The following TMEM132C variants were observed in gnomAD, a reference collection of about 807,000 sequenced individuals.
The protein encoded by TMEM132C is transmembrane protein 132C.
In TMEM132C, 29 loss-of-function variants were observed where a neutral mutation model predicts 61.4. The ratio of observed to expected loss-of-function variants is 0.47; its 90% confidence interval spans 0.35 to 0.64. The LOEUF is 0.64. Among genes scored for constraint, TMEM132C ranks in the 30% least tolerant of loss-of-function variants. The probability of loss-of-function intolerance (pLI) is 0.00; values close to 1 mark genes in which losing one functional copy is unlikely to be tolerated. For synonymous variants in TMEM132C, 656 were observed against 633.1 expected, an observed-to-expected ratio of 1.04 and a Z score of -0.54; for missense variants, 1,408 against 1,476.9, an observed-to-expected ratio of 0.95 and a Z score of 0.76.
chr12:128,466,326 G>A (rs1376011077), intron 2 of TMEM132C, among the ~76,000 whole-genome samples: 20 of 152,202 alleles, frequency 1.3e-4, no homozygotes, highest in Admixed American at 1.2e-3. Context: ...GTAGCCATTG[G>A]CTCAGTTTGA....
intron 2 of TMEM132C, among the ~76,000 whole-genome samples, chr12:128,468,565 C>T (rs1209078614): frequency 6.6e-6 from 1 of 151,968 alleles, no homozygotes; most frequent in Non-Finnish European, 1.5e-5. Flanking sequence ...GTGATCCGCC[C>T]GCCTCGGCCT....
At chr12:128,352,527 T>C (rs1873371938) in intron 1 of TMEM132C, among the ~76,000 whole-genome samples, 1 of 152,158 alleles carries the variant, frequency 6.6e-6, no homozygotes, top group African/African-American at 2.4e-5. Flanking sequence ...AAAGTTAATC[T>C]CATCCCAAAA....
At position 128,698,503 on chromosome 12, in the gene TMEM132C, G is replaced by C. The variant is rs149227048; in HGVS notation, c.2121+1088G>C. On this transcript the variant is annotated intron_variant, in intron 8 of 8. Transcript: ENST00000435159. ...TAACCTCAGGCAAGACGCCTCACCC[G>C]TGTCTCAATCCTTAATGAGAAAGTA... Among the ~76,000 whole-genome samples the C allele has an allele frequency of 3.1e-4, 47 of 152,288 alleles. No homozygotes were observed. The East Asian group carries it at 7.9e-3, about 26-fold the overall frequency.
intron 2 of TMEM132C, among the ~76,000 whole-genome samples, chr12:128,442,752 T>C (rs1011018282): frequency 6.6e-6 from 1 of 152,156 alleles, no homozygotes; most frequent in Non-Finnish European, 1.5e-5. Context: ...AATTCACCAT[T>C]TTAAAGTGAC....
intron 4 of TMEM132C, among the ~76,000 whole-genome samples, chr12:128,668,704 A>G (rs1440390317): frequency 6.6e-6 from 1 of 152,146 alleles, no homozygotes; most frequent in African/African-American, 2.4e-5. Flanking sequence ...TAAAGTTAAG[A>G]TGTTGGCAGG....
chr12:128,302,081 G>A (rs1048265542), intron 1 of TMEM132C, among the ~76,000 whole-genome samples: 1 of 152,194 alleles, frequency 6.6e-6, no homozygotes, highest in Non-Finnish European at 1.5e-5. Context: ...TACAATTCAA[G>A]ATGAGATTTG....
At chr12:128,429,207 G>T (rs1869300765) in intron 2 of TMEM132C, among the ~76,000 whole-genome samples, 1 of 152,136 alleles carries the variant, frequency 6.6e-6, no homozygotes, top group Non-Finnish European at 1.5e-5. Context: ...TGTCAAAATT[G>T]GCGAGGGAGG....
At chr12:128,353,748 C>T (rs1381831005) in intron 1 of TMEM132C, among the ~76,000 whole-genome samples, 1 of 152,058 alleles carries the variant, frequency 6.6e-6, no homozygotes, top group Non-Finnish European at 1.5e-5. Context: ...TTCAATCTCC[C>T]GGGTCCCACT....
At chr12:128,528,312 C>G (rs1873164522) in intron 2 of TMEM132C, among the ~76,000 whole-genome samples, 1 of 152,206 alleles carries the variant, frequency 6.6e-6, no homozygotes, top group African/African-American at 2.4e-5. Flanking sequence ...GATCTCTCCT[C>G]CTGATGGTTT....
intron 1 of TMEM132C, among the ~76,000 whole-genome samples, chr12:128,276,847 C>A (rs1019078617): frequency 1.3e-5 from 2 of 151,802 alleles, no homozygotes; most frequent in African/African-American, 2.4e-5. Flanking sequence ...TTGAAGAAAA[C>A]TGCCTCCTGC....
intron 1 of TMEM132C, among the ~76,000 whole-genome samples, chr12:128,359,478 G>T (rs964206634): frequency 6.6e-6 from 1 of 152,140 alleles, no homozygotes; most frequent in African/African-American, 2.4e-5. Context: ...ACCATTCAAG[G>T]TGAGATTTGG....
chr12:128,450,173 G>A (rs2136056796), intron 2 of TMEM132C, among the ~76,000 whole-genome samples: 1 of 152,290 alleles, frequency 6.6e-6, no homozygotes, highest in East Asian at 1.9e-4. Flanking sequence ...TTGAGCATTT[G>A]ACATGGCTCA....
intron 1 of TMEM132C, among the ~76,000 whole-genome samples, chr12:128,402,696 C>G (rs925799638): frequency 6.6e-6 from 1 of 152,158 alleles, no homozygotes; most frequent in African/African-American, 2.4e-5. Context: ...GTGGAGGAAT[C>G]GGCCACGTGG....
At chr12:128,701,137 C>T (rs1368428234) in intron 8 of TMEM132C, among the ~76,000 whole-genome samples, 1 of 152,064 alleles carries the variant, frequency 6.6e-6, no homozygotes, top group Non-Finnish European at 1.5e-5. Flanking sequence ...TCCATGAGTC[C>T]TTCATTGAGG....
intron 2 of TMEM132C, among the ~76,000 whole-genome samples, chr12:128,526,290 G>A (rs538762481): frequency 8.5e-5 from 13 of 152,322 alleles, no homozygotes; most frequent in African/African-American, 2.9e-4. Context: ...TCTGGAGACT[G>A]GAAAGTTCAA....
At chr12:128,364,210 TTC>T (rs111829348) in intron 1 of TMEM132C, among the ~76,000 whole-genome samples, 2,566 of 150,752 alleles carry the variant, frequency 0.017, 37 homozygotes, top group Non-Finnish European at 0.026. Flanking sequence ...AAACATCAGA[TTC>T]TCTCTCTCTC....
At chr12:128,568,417 TC>T (rs1248135916) in intron 3 of TMEM132C, among the ~76,000 whole-genome samples, 3 of 152,210 alleles carry the variant, frequency 2.0e-5, no homozygotes, top group Non-Finnish European at 4.4e-5. Flanking sequence ...CAATACTGTC[TC>T]CAATATAGGA....
chr12:128,390,416 G>A (rs1874726174), intron 1 of TMEM132C, among the ~76,000 whole-genome samples: 2 of 152,102 alleles, frequency 1.3e-5, no homozygotes, highest in African/African-American at 4.8e-5. Context: ...CTATTCTGCA[G>A]AGCTGGCAGC....
At position 128,699,601 on chromosome 12, in the gene TMEM132C, C is replaced by T. The variant is rs141092499; in HGVS notation, c.2121+2186C>T. 1.3e-3 allele frequency among the ~76,000 whole-genome samples: 205 copies of T among 152,328 alleles called. 3 individuals are homozygous for T. Among genetic ancestry groups the T allele is most frequent in the African/African-American group, 4.5e-3 (189 of 41,560 alleles). On this transcript the variant is annotated intron_variant, in intron 8 of 8. Transcript: ENST00000435159. The stretch of plus-strand genomic sequence containing the variant: ...TCATGCTTCCAGTCTCTCCACCTTC[C>T]CCTTCTGTCACCAGCTAGAGAAATC...
Sources: gnomAD v4.1 joint callset for allele counts (sites outside exome capture counted in the v4.1 genomes callset) on GRCh38, gnomAD v4.1.1 for gene constraint, MANE v1.5 for transcripts, NCBI Gene and HGNC (gene_info 2026-07-23, HGNC 2026-07-21) for gene names.